MNAT1: variants seen among roughly 807,000 people sequenced by gnomAD.
MNAT1 encodes MNAT1 component of CDK activating kinase.
MNAT1 carries 43 observed loss-of-function variants against 42.0 expected under a neutral mutation model. That is an observed-to-expected ratio of 1.02 (90% CI 0.80 to 1.32). MNAT1 has a LOEUF of 1.32. Among genes scored for constraint, MNAT1 ranks in the 40% most tolerant of loss-of-function variants. MNAT1 has a pLI of 0.00. For synonymous variants in MNAT1, 118 were observed against 120.0 expected, an observed-to-expected ratio of 0.98 and a Z score of 0.11; for missense variants, 306 against 350.4, an observed-to-expected ratio of 0.87 and a Z score of 1.01.
chr14:60,789,000 G>A (rs947652674), intron 1 of MNAT1, among the ~76,000 whole-genome samples: 2 of 152,144 alleles, frequency 1.3e-5, no homozygotes, highest in African/African-American at 2.4e-5. Context: ...GCTAACTGGT[G>A]CAGTTGGCCT....
At chr14:60,899,004 TAAAG>T (rs550970981) in intron 7 of MNAT1, among the ~76,000 whole-genome samples, 30 of 152,310 alleles carry the variant, frequency 2.0e-4, no homozygotes, top group African/African-American at 6.7e-4. Flanking sequence ...CACCACTTAT[TAAAG>T]AAGGAATTCT....
At position 60,952,548 on chromosome 14, in the gene MNAT1, G is replaced by A. The variant is rs1042315186; in HGVS notation, c.810-15681G>A. 2.0e-5 allele frequency among the ~76,000 whole-genome samples: 3 copies of A among 152,098 alleles called. No homozygotes were observed. The South Asian group carries it at 6.2e-4, about 32-fold the overall frequency. On this transcript the variant is annotated intron_variant, in intron 7 of 7. Coordinates refer to ENST00000261245, the MANE Select transcript of MNAT1 (RefSeq NM_002431.4). ...ATGTTTATAGAGAGATTATGATACA[G>A]GTTTCACACTGGTATTCAGGAGAAA...
chr14:60,763,871 CAA>C (rs747448948), intron 1 of MNAT1, among the ~76,000 whole-genome samples: 36 of 152,170 alleles, frequency 2.4e-4, no homozygotes, highest in Non-Finnish European at 4.9e-4. Context: ...ATTGTCAAAA[CAA>C]AGGGCTGCTT....
rs374115537 is a variant in MNAT1, at chr14:60,919,996, G to C, written c.809+40161G>C. On this transcript the variant is annotated intron_variant, in intron 7 of 7. Coordinates refer to ENST00000261245, the MANE Select transcript of MNAT1 (RefSeq NM_002431.4). Reference sequence around the variant, plus strand: ...TCATGTTGCCATAGGTCTTACTGCAGATGACAAAGGTATCCTAGTACTGTG... The same window carrying C: ...TCATGTTGCCATAGGTCTTACTGCACATGACAAAGGTATCCTAGTACTGTG... The C allele has an allele frequency of 2.6e-5, 4 of 153,662 alleles. No individual in the cohort carries two copies. In the East Asian group the frequency reaches 7.7e-4, roughly 30 times the overall value. The allele number at this position is 153,662 out of a possible 1,614,324, so 9.5% of individuals were successfully genotyped here.
At chr14:60,880,020 C>A (rs963321131) in intron 7 of MNAT1, 185 bp downstream of exon 7, 3 of 439,710 alleles carry the variant, frequency 6.8e-6, no homozygotes, top group African/African-American at 6.1e-5. Context: ...CTTGTTAGGT[C>A]TCTTGAGATT....
intron 6 of MNAT1, among the ~76,000 whole-genome samples, chr14:60,836,722 A>G (rs2033399936): frequency 6.6e-6 from 1 of 152,250 alleles, no homozygotes; most frequent in Middle Eastern, 3.4e-3. Flanking sequence ...GAGGTCAGGG[A>G]CCCACTTGAG....
At chr14:60,923,429 C>G (rs1403010536) in intron 7 of MNAT1, among the ~76,000 whole-genome samples, 1 of 152,110 alleles carries the variant, frequency 6.6e-6, no homozygotes, top group Admixed American at 6.5e-5. Context: ...ACATATTTAA[C>G]AAAAATGCTT....
In MNAT1 at chr14:60,928,787, C is replaced by T. The variant is rs141925123; in HGVS notation, c.810-39442C>T. ...AAAAAAAGAATGTCATTTTACAAAG[C>T]ACTTGCCATATATATATATCTTATA... On this transcript the variant is annotated intron_variant, in intron 7 of 7. Coordinates refer to ENST00000261245, the MANE Select transcript of MNAT1 (RefSeq NM_002431.4). 1.7e-3 allele frequency among the ~76,000 whole-genome samples: 251 copies of T among 151,780 alleles called. 2 individuals carry two copies. The highest frequency in any genetic ancestry group is 6.2e-4 in the Non-Finnish European group (42 of 67,926).
intron 1 of MNAT1, among the ~76,000 whole-genome samples, chr14:60,754,450 C>T (rs912590421): frequency 2.6e-5 from 4 of 151,014 alleles, no homozygotes; most frequent in East Asian, 2.0e-4. Context: ...CAGGTTCAAG[C>T]GATTCTGCTG....
chr14:60,861,416 A>G (rs1213338287), intron 6 of MNAT1, among the ~76,000 whole-genome samples: 3 of 152,190 alleles, frequency 2.0e-5, no homozygotes, highest in Non-Finnish European at 4.4e-5. Context: ...AAAGAAAGAA[A>G]TTTCTTTGTT....
At chr14:60,844,136 C>CTTA (rs61423733) in intron 6 of MNAT1, among the ~76,000 whole-genome samples, 143,949 of 152,084 alleles carry the variant, frequency 0.95, 68,401 homozygotes, top group Non-Finnish European at 0.99. Flanking sequence ...GTTTCAATAA[C>CTTA]TTATCTTGAT....
intron 7 of MNAT1, among the ~76,000 whole-genome samples, chr14:60,924,889 T>C (rs2035734182): frequency 6.6e-6 from 1 of 152,236 alleles, no homozygotes; most frequent in Admixed American, 6.5e-5. Context: ...CACACATGAA[T>C]GGTAAATAGT....
intron 1 of MNAT1, among the ~76,000 whole-genome samples, chr14:60,755,528 C>T (rs1179095680): frequency 1.3e-5 from 2 of 152,176 alleles, no homozygotes; most frequent in African/African-American, 2.4e-5. Flanking sequence ...CCTCCTGCCT[C>T]GTCCTCCCAA....
rs199880102 is a variant in MNAT1, at chr14:60,812,090, T to G, written c.524T>G (p.Leu175Arg). The G allele has an allele frequency of 3.7e-5, 59 of 1,590,922 alleles. No homozygotes were observed. The Admixed American group carries it at 8.4e-4, about 23-fold the overall frequency. The change falls in exon 5 of 8, where the codon CTA becomes CGA. Residue 175 changes from leucine to arginine, a missense_variant. Leu to Arg is a moderately radical substitution (Grantham distance 102, BLOSUM62 -2). This residue lies in a region of MNAT1 where 118 missense variants were observed against 99.8 expected (regional missense o/e 1.18). Transcript: ENST00000261245. ...AAAGAAGAACAACTGCAGCAGATTC[T>G]AAAAAGGAAGAATAAGCAGGCTTTT... The part of the protein sequence containing the change: ...IQKEEQLQQI[L>R]KRKNKQAFLD...
chr14:60,778,849 A>G (rs1329974781), intron 1 of MNAT1, among the ~76,000 whole-genome samples: 1 of 152,188 alleles, frequency 6.6e-6, no homozygotes, highest in African/African-American at 2.4e-5. Flanking sequence ...TATATTAAGT[A>G]TCCTCAACAG....
chr14:60,872,281 C>T lies in MNAT1; in HGVS notation c.688-7433C>T, dbSNP rs2034341693. Among the ~76,000 whole-genome samples, 5 of 152,146 alleles carry T rather than the reference C, an allele frequency of 3.3e-5. No individual in the cohort carries two copies. The South Asian group carries it at 1.0e-3, about 31-fold the overall frequency. ...TGCTAAGGAAGGACACAAAGCCATT[C>T]ATGAAGGCTCCAGTCCCATGACCCA... On this transcript the variant is annotated intron_variant, in intron 6 of 7. Coordinates refer to ENST00000261245, the MANE Select transcript of MNAT1 (RefSeq NM_002431.4).
chr14:60,876,605 A>G (rs1322161030), intron 6 of MNAT1, among the ~76,000 whole-genome samples: 1 of 152,034 alleles, frequency 6.6e-6, no homozygotes, highest in East Asian at 1.9e-4. Context: ...GTCTATGGTA[A>G]CCACTGATCT....
At chr14:60,797,716 C>T (rs1384516098) in intron 2 of MNAT1, among the ~76,000 whole-genome samples, 1 of 152,162 alleles carries the variant, frequency 6.6e-6, no homozygotes, top group South Asian at 2.1e-4. Flanking sequence ...CACTTGAGAT[C>T]AGAGTTTGAG....
At chr14:60,756,851 A>T (rs1208871093) in intron 1 of MNAT1, among the ~76,000 whole-genome samples, 2 of 152,184 alleles carry the variant, frequency 1.3e-5, no homozygotes, top group Non-Finnish European at 2.9e-5. Flanking sequence ...TTTTTTGGGC[A>T]AAATCAATCA....
Sources: allele counts gnomAD v4.1 joint callset (sites outside exome capture counted in the v4.1 genomes callset), GRCh38; gene constraint gnomAD v4.1.1; regional missense constraint gnomAD v4.1.1; transcripts MANE v1.5; gene names NCBI Gene and HGNC (gene_info 2026-07-23, HGNC 2026-07-21).